Variants in AGBL4 observed in about 807,000 individuals in gnomAD.
AGBL4 encodes cytosolic carboxypeptidase 6.
AGBL4 carries 58 observed loss-of-function variants against 66.4 expected under a neutral mutation model. The observed-to-expected ratio is 0.87, with a 90% CI of 0.71 to 1.09. The LOEUF (loss-of-function observed/expected upper bound fraction) is 1.09. Among genes scored for constraint, AGBL4 ranks in the 50% least tolerant of loss-of-function variants. The pLI, the probability that AGBL4 is intolerant of heterozygous loss-of-function variation, is 0.00. For synonymous variants in AGBL4, 234 were observed against 222.9 expected, an observed-to-expected ratio of 1.05 and a Z score of -0.44; for missense variants, 579 against 631.0, an observed-to-expected ratio of 0.92 and a Z score of 0.88.
chr1:49,989,068 G>A lies in AGBL4; in HGVS notation c.34+34695C>T, dbSNP rs374975876. Among the ~76,000 whole-genome samples the A allele has an allele frequency of 4.3e-4, 65 of 152,242 alleles. 1 individual carries two copies. In the South Asian group the frequency reaches 9.5e-3, roughly 22 times the overall value. On this transcript the variant is annotated intron_variant, in intron 1 of 13. Transcript: ENST00000371839. ...AAGAATGAGACTCAGTGAAGTTAGC[G>A]TCTAACAGTCCCAAGATCACACAGC...
intron 3 of AGBL4, among the ~76,000 whole-genome samples, chr1:49,257,758 C>T (rs1441035240): frequency 3.3e-5 from 5 of 152,196 alleles, no homozygotes; most frequent in Non-Finnish European, 7.4e-5. Context: ...CCATCTTCTG[C>T]GTCACTCACG....
At chr1:49,411,004 G>A (rs557156650) in intron 3 of AGBL4, among the ~76,000 whole-genome samples, 1 of 152,326 alleles carries the variant, frequency 6.6e-6, no homozygotes, top group Admixed American at 6.5e-5. Context: ...ATGCAAGGGA[G>A]TTTATTAAGG....
chr1:48,961,080 GGTGTGT>G (rs140660896), intron 5 of AGBL4, among the ~76,000 whole-genome samples: 4,156 of 148,704 alleles, frequency 0.028, 64 homozygotes, highest in Non-Finnish European at 0.042. Context: ...CCCAGTCTGG[GGTGTGT>G]GTGTGTGTGT....
At chr1:49,411,168 G>A (rs1645306833) in intron 3 of AGBL4, among the ~76,000 whole-genome samples, 1 of 152,186 alleles carries the variant, frequency 6.6e-6, no homozygotes, top group Admixed American at 6.5e-5. Flanking sequence ...GAAAGCCTGA[G>A]AGACCCCAGC....
At chr1:48,571,961 C>A (rs1366193692) in intron 11 of AGBL4, among the ~76,000 whole-genome samples, 2 of 152,146 alleles carry the variant, frequency 1.3e-5, no homozygotes, top group Non-Finnish European at 2.9e-5. Context: ...AGACAGTGAA[C>A]CCCAAAAACA....
chr1:48,676,394 G>A (rs1405299305), intron 6 of AGBL4, among the ~76,000 whole-genome samples: 1 of 152,234 alleles, frequency 6.6e-6, no homozygotes, highest in Non-Finnish European at 1.5e-5. Context: ...CAGTGACTGC[G>A]CTGCTCTCTG....
At chr1:50,002,955 A>T (rs1660873941) in intron 1 of AGBL4, among the ~76,000 whole-genome samples, 1 of 152,236 alleles carries the variant, frequency 6.6e-6, no homozygotes, top group African/African-American at 2.4e-5. Flanking sequence ...AAAAGTTAAT[A>T]GAAGTTAATC....
chr1:48,579,053 C>T (rs1644696599), intron 11 of AGBL4, among the ~76,000 whole-genome samples: 2 of 152,108 alleles, frequency 1.3e-5, no homozygotes, highest in South Asian at 4.1e-4. Flanking sequence ...TCCAGAACGT[C>T]AGGCCTTTAG....
At chr1:49,916,273 A>G (rs976367512) in intron 1 of AGBL4, among the ~76,000 whole-genome samples, 2 of 152,190 alleles carry the variant, frequency 1.3e-5, no homozygotes, top group African/African-American at 4.8e-5. Context: ...GCTTCAGACA[A>G]TCAAAGTTCT....
At chr1:49,219,823 C>T (rs1351678054) in intron 4 of AGBL4, among the ~76,000 whole-genome samples, 2 of 152,154 alleles carry the variant, frequency 1.3e-5, no homozygotes, top group African/African-American at 2.4e-5. Flanking sequence ...CTAAGCAAGA[C>T]ATTTGGGTTG....
chr1:48,848,932 TTTC>T (rs1318171863), intron 6 of AGBL4, among the ~76,000 whole-genome samples: 1 of 152,246 alleles, frequency 6.6e-6, no homozygotes, highest in Non-Finnish European at 1.5e-5. Flanking sequence ...CTTTTTCCCC[TTTC>T]TTCTTCTTAT....
At chr1:49,825,384 A>G (rs1645483178) in intron 2 of AGBL4, among the ~76,000 whole-genome samples, 1 of 152,212 alleles carries the variant, frequency 6.6e-6, no homozygotes, top group Admixed American at 6.5e-5. Context: ...CTACTATGTA[A>G]TAGGCATTTG....
intron 6 of AGBL4, among the ~76,000 whole-genome samples, chr1:48,745,041 C>T (rs1319859392): frequency 6.6e-6 from 1 of 152,184 alleles, no homozygotes; most frequent in Non-Finnish European, 1.5e-5. Context: ...ATTATGTTTG[C>T]AATCATCTGC....
At chr1:49,629,832 G>GT (rs1180007617) in intron 3 of AGBL4, among the ~76,000 whole-genome samples, 2 of 151,678 alleles carry the variant, frequency 1.3e-5, no homozygotes, top group African/African-American at 4.9e-5. Context: ...TCTATTAATG[G>GT]TTTTCAGAAA....
intron 2 of AGBL4, among the ~76,000 whole-genome samples, chr1:49,795,668 A>T (rs927066867): frequency 6.6e-6 from 1 of 151,724 alleles, no homozygotes; most frequent in Non-Finnish European, 1.5e-5. Flanking sequence ...CATGTGTGTC[A>T]GTAAGATATA....
chr1:49,703,796 A>C (rs1037256245), intron 2 of AGBL4, among the ~76,000 whole-genome samples: 4 of 152,052 alleles, frequency 2.6e-5, no homozygotes, highest in Non-Finnish European at 5.9e-5. Flanking sequence ...CTTACAGATG[A>C]GAGTGTTATT....
At chr1:49,593,202 G>C (rs974861618) in intron 3 of AGBL4, among the ~76,000 whole-genome samples, 1 of 152,100 alleles carries the variant, frequency 6.6e-6, no homozygotes, top group Non-Finnish European at 1.5e-5. Flanking sequence ...AGGTCAGATT[G>C]AGACCATCCT....
chr1:48,641,280 C>T (rs746407947), intron 8 of AGBL4, among the ~76,000 whole-genome samples: 7 of 152,090 alleles, frequency 4.6e-5, no homozygotes, highest in Non-Finnish European at 7.4e-5. Context: ...CATCAACAGC[C>T]CCTGAAAAAT....
intron 1 of AGBL4, among the ~76,000 whole-genome samples, chr1:49,986,018 A>G (rs1264931692): frequency 6.6e-6 from 1 of 152,126 alleles, no homozygotes; most frequent in Admixed American, 6.5e-5. Context: ...GACATTCCAG[A>G]TAACATAAGA....
Sources: allele counts gnomAD v4.1 joint callset (sites outside exome capture counted in the v4.1 genomes callset), GRCh38; gene constraint gnomAD v4.1.1; transcripts MANE v1.5; gene names NCBI Gene and HGNC (gene_info 2026-07-23, HGNC 2026-07-21).